NMUR1: variants seen among roughly 807,000 people sequenced by gnomAD.
The protein encoded by NMUR1 is neuromedin U receptor 1.
In NMUR1, 16 loss-of-function variants were observed where a neutral mutation model predicts 18.8. That is an observed-to-expected ratio of 0.85 (90% CI 0.58 to 1.29). NMUR1 has a LOEUF of 1.29. Ranked by LOEUF, NMUR1 falls within the 50% of genes most tolerant of loss-of-function variation. The pLI is 0.00. For synonymous variants in NMUR1, 258 were observed against 258.2 expected (o/e 1.00, Z 0.01); for missense variants, 529 against 580.3 (o/e 0.91, Z 0.91).
Position 231,527,629 on chromosome 2 carries a change from C to A in NMUR1, c.898+494G>T, listed in dbSNP as rs1448304402. On this transcript the variant is annotated intron_variant, in intron 2 of 2. Transcript: ENST00000305141. ...CCACAGCCTGAGTGACAGAGCAAGA[C>A]CCTGTCTCAAAAAAAAAAAAAAAAA... 2.1e-5 allele frequency among the ~76,000 whole-genome samples: 3 copies of A among 144,612 alleles called. No individual in the cohort carries two copies. The East Asian group carries it at 6.0e-4, about 29-fold the overall frequency. The allele number at this position is 144,612 out of a possible 152,430, so 94.9% of individuals were successfully genotyped here.
In NMUR1 at chr2:231,525,107, C is replaced by A. The variant is rs1230225585; in HGVS notation, c.1217G>T (p.Ser406Ile). Residue 406 changes from serine to isoleucine, a missense_variant, in exon 3 of 3, where the codon AGC (serine) becomes ATC (isoleucine). By Grantham distance (142) the Ser-to-Ile change is moderately radical. Coordinates refer to ENST00000305141, the MANE Select transcript of NMUR1 (RefSeq NM_006056.5). ...STLCDVGSLG[S>I]WVHPLAGNDG... ...GTTCCCAGCCAGGGGGTGGACCCAGCTGCCCAGGGAGCCCACATCACACAG... is the reference window on the plus strand; with the variant it reads ...GTTCCCAGCCAGGGGGTGGACCCAGATGCCCAGGGAGCCCACATCACACAG... 1 of 1,611,972 alleles carries A rather than the reference C, an allele frequency of 6.2e-7. No homozygotes were observed. Among genetic ancestry groups the A allele is most frequent in the East Asian group, 2.2e-5 (1 of 44,864 alleles).
At position 231,524,222 on chromosome 2, in the gene NMUR1, T is replaced by G. The variant is rs1406971643; in HGVS notation, c.*821A>C. ...CATGACACTGTGGAAAGCCAGCGCC[T>G]CTTTCATTTTTCAGGCAAGGAACCA... is the stretch of plus-strand genomic sequence containing the variant. On this transcript the variant is annotated 3_prime_UTR_variant, in exon 3 of 3. Coordinates refer to ENST00000305141, the MANE Select transcript of NMUR1 (RefSeq NM_006056.5). 2 of 152,238 alleles carry G rather than the reference T, an allele frequency of 1.3e-5. No individual in the cohort carries two copies. The highest frequency in any genetic ancestry group is 2.9e-5 in the Non-Finnish European group (2 of 68,078). 9.4% of individuals were successfully genotyped at this position (152,238 alleles called of 1,614,324 possible). A position where few individuals can be genotyped will look rare whatever the true frequency, so the allele number is the denominator to read the frequency against.
chr2:231,519,073 C>T (rs1227782557), downstream of NMUR1, among the ~76,000 whole-genome samples: 1 of 152,248 alleles, frequency 6.6e-6, no homozygotes, highest in Non-Finnish European at 1.5e-5. Flanking sequence ...CCCTCTCCTT[C>T]ACCCCGCCTC....
At chr2:231,523,062 C>G, downstream of NMUR1, 2 of 311,314 alleles carry the variant, frequency 6.4e-6, no homozygotes, top group East Asian at 8.8e-5. Flanking sequence ...TGAGTGCAAG[C>G]GTGAGCTTGG....
At chr2:231,522,163 T>C (rs1263541502), downstream of NMUR1, among the ~76,000 whole-genome samples, 1 of 151,682 alleles carries the variant, frequency 6.6e-6, no homozygotes, top group Non-Finnish European at 1.5e-5. Context: ...TGTGTGTGTA[T>C]TGTAGAGACG....
intron 1 of NMUR1, among the ~76,000 whole-genome samples, chr2:231,529,503 T>A (rs1220536720): frequency 2.0e-5 from 3 of 149,162 alleles, no homozygotes; most frequent in South Asian, 2.1e-4. Context: ...AATCTACATT[T>A]AAAAAAAAAA....
rs778820133 is a variant in NMUR1 at position 231,525,162 on chromosome 2, T to C, written c.1162A>G (p.Ser388Gly). Reference sequence around the variant, plus strand: ...CTGCCTGTGGTCATCCTGCTGAGGCTGTGGGAGCTGTGGCGGGGTCTGAGG... The same window carrying C: ...CTGCCTGTGGTCATCCTGCTGAGGCCGTGGGAGCTGTGGCGGGGTCTGAGG... ...HRLRPRHSSH[S>G]LSRMTTGSTL... Residue 388 changes from serine (S) to glycine (G), a missense_variant, in exon 3 of 3, where the codon AGC becomes GGC. Coordinates refer to ENST00000305141, the MANE Select transcript of NMUR1 (RefSeq NM_006056.5). The C allele has an allele frequency of 7.4e-6, 12 of 1,613,934 alleles. No individual in the cohort carries two copies. In the African/African-American group the frequency reaches 1.3e-4, roughly 18 times the overall value.
At chr2:231,530,223 C>A (rs913740242) in intron 1 of NMUR1, 136 bp downstream of exon 1, 3 of 1,096,096 alleles carry the variant, frequency 2.7e-6, no homozygotes, top group Middle Eastern at 2.0e-4. Context: ...CGAGAAGTTG[C>A]GAGGCTCCCC....
chr2:231,518,882 C>G (rs113796956), downstream of NMUR1, among the ~76,000 whole-genome samples: 1 of 152,164 alleles, frequency 6.6e-6, no homozygotes, highest in Admixed American at 6.6e-5. Context: ...CACCTCCTCC[C>G]CTGATTCAGT....
chr2:231,523,705 C>T lies in NMUR1; in HGVS notation c.*1338G>A, dbSNP rs1241183699. 6.5e-6 allele frequency: 1 copy of T among 153,874 alleles called. No homozygotes were observed. 9.5% of individuals were successfully genotyped at this position (153,874 alleles called of 1,614,324 possible). ...AGGGCTTCCTCTCAGGAGGACAAGA[C>T]TCAGGGACTGCAGCAGGACAAGTTT... On this transcript the variant is annotated 3_prime_UTR_variant, in exon 3 of 3. Coordinates refer to ENST00000305141, the MANE Select transcript of NMUR1 (RefSeq NM_006056.5).
At chr2:231,518,891 G>T (rs1334687043), downstream of NMUR1, among the ~76,000 whole-genome samples, 1 of 152,138 alleles carries the variant, frequency 6.6e-6, no homozygotes, top group Non-Finnish European at 1.5e-5. Context: ...CCCTGATTCA[G>T]TTTTGGTGGA....
In NMUR1 at chr2:231,523,237, A is replaced by C; in HGVS notation, c.*1806T>G. 2.8e-6 allele frequency: 1 copy of C among 361,278 alleles called. No individual in the cohort carries two copies. The highest frequency in any genetic ancestry group is 5.0e-6 in the Non-Finnish European group (1 of 199,468). The allele number at this position is 361,278 out of a possible 1,614,324, so 22.4% of individuals were successfully genotyped here. ...TAATTTTTTCTTTCCTTTAGATTTA[A>C]TCCTCTTTTTATAAAAATTGTGGTA... On this transcript the variant is annotated 3_prime_UTR_variant, in exon 3 of 3. Coordinates refer to ENST00000305141, the MANE Select transcript of NMUR1 (RefSeq NM_006056.5).
Position 231,528,784 on chromosome 2 carries a change from C to G in NMUR1, c.237G>C (p.Gly79=), listed in dbSNP as rs775279850. 8 of 1,614,182 alleles carry G rather than the reference C, an allele frequency of 5.0e-6. No homozygotes were observed. The highest frequency in any genetic ancestry group is 5.9e-6 in the Non-Finnish European group (7 of 1,180,038). The stretch of plus-strand genomic sequence containing the variant: ...GGCGCAGGATGACCAGACAGGTCAG[C>G]CCATTGCCCACAGCGCCCACCACGA... The part of the protein sequence containing the change: ...LIFVVGAVGN[G]LTCLVILRHK... Residue 79 remains glycine (G), a synonymous_variant, in exon 2 of 3, where the codon GGG becomes GGC. Coordinates refer to ENST00000305141, the MANE Select transcript of NMUR1 (RefSeq NM_006056.5).
chr2:231,528,786 C>T lies in NMUR1; in HGVS notation c.235G>A (p.Gly79Arg). ...CGCAGGATGACCAGACAGGTCAGCCCATTGCCCACAGCGCCCACCACGAAG... is the reference window on the plus strand; with the variant it reads ...CGCAGGATGACCAGACAGGTCAGCCTATTGCCCACAGCGCCCACCACGAAG... ...LIFVVGAVGNGLTCLVILRHK... is the reference protein window; with the variant it reads ...LIFVVGAVGNRLTCLVILRHK... Residue 79 changes from glycine (G) to arginine (R), a missense_variant, in exon 2 of 3, where the codon GGG becomes AGG. By Grantham distance (125) the Gly-to-Arg change is moderately radical. Transcript: ENST00000305141. 2 of 1,614,184 alleles carry T rather than the reference C, an allele frequency of 1.2e-6. No individual in the cohort carries two copies. Among genetic ancestry groups the T allele is most frequent in the Non-Finnish European group, 1.7e-6 (2 of 1,180,042 alleles).
At chr2:231,520,981 G>A (rs2047299747), downstream of NMUR1, among the ~76,000 whole-genome samples, 1 of 152,206 alleles carries the variant, frequency 6.6e-6, no homozygotes, top group Admixed American at 6.5e-5. Context: ...GCAGAGTAGG[G>A]TAGATGAACT....
rs754140599 is a variant in NMUR1 at position 231,528,226 on chromosome 2, G to GAGC, written c.792_794dup (p.Leu265dup). ...AGCCCCTGCCCTTGGCCTCCTGCAT[G>GAGC]AGCAGCAGCCTCTCCCGCCGCAGTC... On this transcript the variant is annotated inframe_insertion, in exon 2 of 3. Transcript: ENST00000305141. 6.2e-7 allele frequency: 1 copy of GAGC among 1,612,740 alleles called. No homozygotes were observed. Among genetic ancestry groups the GAGC allele is most frequent in the Admixed American group, 1.7e-5 (1 of 59,948 alleles).
chr2:231,522,779 C>G (rs996438316), downstream of NMUR1, among the ~76,000 whole-genome samples: 4 of 152,144 alleles, frequency 2.6e-5, no homozygotes, highest in African/African-American at 7.2e-5. Flanking sequence ...GTCCCCACTT[C>G]TCCCATTTTC....
chr2:231,526,404 G>A (rs961267432), intron 2 of NMUR1, among the ~76,000 whole-genome samples: 2 of 151,832 alleles, frequency 1.3e-5, no homozygotes, highest in East Asian at 1.9e-4. Flanking sequence ...GGGAGGGAGG[G>A]AGGGAAGAGA....
intron 1 of NMUR1, 45 bp downstream of exon 1, chr2:231,530,314 G>A: frequency 1.3e-6 from 2 of 1,498,932 alleles, no homozygotes; most frequent in Non-Finnish European, 1.8e-6. Context: ...CCGAGCCCCG[G>A]CCCAGCTGCC....
Sources: allele counts gnomAD v4.1 joint callset (sites outside exome capture counted in the v4.1 genomes callset), GRCh38; gene constraint gnomAD v4.1.1; transcripts MANE v1.5; gene names NCBI Gene and HGNC (gene_info 2026-07-23, HGNC 2026-07-21).